The following EPB42 variants were observed in gnomAD, a reference collection of about 807,000 sequenced individuals.
The protein encoded by EPB42 is erythrocyte membrane protein band 4.2, also known as protein 4.2.
A neutral mutation model predicts 76.9 loss-of-function variants in EPB42; 49 were observed. The ratio of observed to expected loss-of-function variants is 0.64; its 90% CI spans 0.51 to 0.81. The LOEUF is 0.81. Among genes scored for constraint, EPB42 ranks in the 30% least tolerant of loss-of-function variants. The pLI, the probability that EPB42 is intolerant of heterozygous loss-of-function variation, is 0.00. For synonymous variants in EPB42, 310 were observed against 338.4 expected, an observed-to-expected ratio of 0.92 and a Z score of 0.92; for missense variants, 731 against 867.6, an observed-to-expected ratio of 0.84 and a Z score of 1.98.
At chr15:43,212,081 A>G (rs2042307174) in intron 3 of EPB42, among the ~76,000 whole-genome samples, 1 of 146,632 alleles carries the variant, frequency 6.8e-6, no homozygotes, top group African/African-American at 2.5e-5. Flanking sequence ...AAAAAAATGA[A>G]AACCAGCCAG....
chr15:43,200,848 T>C (rs1356744521), intron 12 of EPB42, among the ~76,000 whole-genome samples: 4 of 148,858 alleles, frequency 2.7e-5, no homozygotes, highest in Non-Finnish European at 1.5e-5. Flanking sequence ...GGAGTCTCGC[T>C]CTTTCACCCG....
upstream of EPB42, among the ~76,000 whole-genome samples, chr15:43,225,160 G>A (rs760263679): frequency 2.6e-5 from 4 of 152,198 alleles, no homozygotes; most frequent in Non-Finnish European, 5.9e-5. Context: ...TGTGCGTGGG[G>A]AGAATATATA....
At chr15:43,201,150 G>T (rs1439759718) in intron 12 of EPB42, among the ~76,000 whole-genome samples, 1 of 152,172 alleles carries the variant, frequency 6.6e-6, no homozygotes, top group Non-Finnish European at 1.5e-5. Context: ...GGAGACTTGT[G>T]TGAGGATGTG....
intron 3 of EPB42, 51 bp downstream of exon 3, chr15:43,215,044 C>CCATG: frequency 1.3e-6 from 2 of 1,526,642 alleles, no homozygotes; most frequent in Non-Finnish European, 1.8e-6. Flanking sequence ...CACCCCAGCT[C>CCATG]CAGTGTCTGG....
At chr15:43,211,647 G>T in intron 3 of EPB42, 113 bp from the exon 4 acceptor site, 1 of 786,598 alleles carries the variant, frequency 1.3e-6, no homozygotes, top group Non-Finnish European at 2.3e-6. Flanking sequence ...CACCCCGTCA[G>T]CTCTGGGCCT....
chr15:43,201,073 C>T (rs150090881), intron 12 of EPB42, among the ~76,000 whole-genome samples: 2,056 of 152,250 alleles, frequency 0.014, 39 homozygotes, highest in African/African-American at 0.047. Context: ...CCTTGGCCTC[C>T]CAAAGTGCTG....
upstream of EPB42, among the ~76,000 whole-genome samples, chr15:43,225,553 T>C (rs1361232068): frequency 6.6e-6 from 1 of 152,160 alleles, no homozygotes; most frequent in Non-Finnish European, 1.5e-5. Context: ...GAGGTACCGT[T>C]AGGAACTGTT....
intron 10 of EPB42, 33 bp from the exon 11 acceptor site, chr15:43,203,308 C>T (rs2042155156): frequency 6.2e-7 from 1 of 1,613,844 alleles, no homozygotes; most frequent in South Asian, 1.1e-5. Context: ...TCAGTGGCAA[C>T]AGGTGTATGT....
At chr15:43,211,387 C>T in intron 4 of EPB42, 29 bp downstream of exon 4, 4 of 1,378,638 alleles carry the variant, frequency 2.9e-6, no homozygotes, top group Non-Finnish European at 4.1e-6. Context: ...AGTCACTCTA[C>T]ACACTCCTCC....
At position 43,206,325 on chromosome 15, in the gene EPB42, A is replaced by G. The variant is rs772156777; in HGVS notation, c.1618+5T>C. ...GGGGTGTCTGGTGGGGCCATAGAGC[A>G]TTACCCAGGTTGGCACTGAGCGTGA... On this transcript the variant is annotated splice_donor_5th_base_variant and intron_variant, in intron 10 of 12. Transcript: ENST00000441366. This position sits in a 1 kb window ranked among gnomAD's most constrained non-coding sequence, Gnocchi z 4.7. 12 of 1,606,018 alleles carry G rather than the reference A, an allele frequency of 7.5e-6. No homozygotes were observed. The Admixed American group carries it at 2.0e-4, about 27-fold the overall frequency.
At chr15:43,217,005 G>T (rs749294191) in intron 1 of EPB42, among the ~76,000 whole-genome samples, 2 of 152,208 alleles carry the variant, frequency 1.3e-5, no homozygotes, top group Admixed American at 1.3e-4. Flanking sequence ...TAAACTCACA[G>T]CTCTATGCAG....
intron 3 of EPB42, among the ~76,000 whole-genome samples, chr15:43,213,629 G>T (rs1207485402): frequency 6.6e-6 from 1 of 152,240 alleles, no homozygotes; most frequent in Non-Finnish European, 1.5e-5. Flanking sequence ...CAGACTCAGG[G>T]TGATCTGGGG....
intron 3 of EPB42, among the ~76,000 whole-genome samples, chr15:43,214,541 A>G (rs1363260165): frequency 6.6e-6 from 1 of 152,190 alleles, no homozygotes; most frequent in African/African-American, 2.4e-5. Flanking sequence ...AGCTTGTGGA[A>G]TAACACAGAC....
chr15:43,217,298 G>C (rs1238953557), intron 1 of EPB42, among the ~76,000 whole-genome samples: 1 of 152,158 alleles, frequency 6.6e-6, no homozygotes, highest in Non-Finnish European at 1.5e-5. Context: ...GTGAAGATGT[G>C]CTTGCTTCCC....
Position 43,201,852 on chromosome 15 carries a change from CCT to C in EPB42, c.1903_1904del (p.Arg635GlufsTer10), listed in dbSNP as rs774661990. ...AGCCTGCCATCACTTACCTGTAGCT[CCT>C]CTCTCTGTGAATGAGCCCCCTTCCC... is the stretch of plus-strand genomic sequence containing the variant. ...ILGRGLIHRE[R>X]SYRFRSVWPE... On this transcript the variant is annotated frameshift_variant, in exon 12 of 13. Transcript: ENST00000441366. LOFTEE classifies it high-confidence loss of function. 1.2e-6 allele frequency: 2 copies of C among 1,614,208 alleles called. No homozygotes were observed. The highest frequency in any genetic ancestry group is 2.2e-5 in the South Asian group (2 of 91,084).
chr15:43,216,021 T>C (rs1421013114), intron 2 of EPB42, among the ~76,000 whole-genome samples: 2 of 152,254 alleles, frequency 1.3e-5, no homozygotes, highest in African/African-American at 4.8e-5. Context: ...AAGCTACTAT[T>C]ATATTTGCAA....
chr15:43,209,816 C>T (rs2042265747), intron 5 of EPB42, among the ~76,000 whole-genome samples: 1 of 152,258 alleles, frequency 6.6e-6, no homozygotes. Context: ...CTTCTTTCAA[C>T]TCACAGGCTG....
chr15:43,207,533 T>A, intron 8 of EPB42, 92 bp from the exon 9 acceptor site: 1 of 1,589,984 alleles, frequency 6.3e-7, no homozygotes, highest in Non-Finnish European at 8.5e-7. Flanking sequence ...TCCTCTAGCC[T>A]ATTTTCCCTC....
At chr15:43,202,096 A>G in intron 11 of EPB42, 119 bp from the exon 12 acceptor site, 5 of 1,384,842 alleles carry the variant, frequency 3.6e-6, no homozygotes, top group Non-Finnish European at 5.1e-6. Context: ...AGCTGACTCA[A>G]ACTTCACAGC....
Sources: allele counts gnomAD v4.1 joint callset (sites outside exome capture counted in the v4.1 genomes callset), GRCh38; gene constraint gnomAD v4.1.1; non-coding constraint Gnocchi (gnomAD v3.1); transcripts MANE v1.5; gene names NCBI Gene and HGNC (gene_info 2026-07-23, HGNC 2026-07-21).